Variants in HECTD2 observed in about 807,000 individuals in gnomAD.
HECTD2 encodes the protein HECT domain E3 ubiquitin protein ligase 2, also known as probable E3 ubiquitin-protein ligase HECTD2.
A neutral mutation model predicts 103.2 loss-of-function variants in HECTD2; 35 were observed. That is an observed-to-expected ratio of 0.34 (90% CI 0.26 to 0.45). HECTD2 has a LOEUF of 0.45. HECTD2 is among the 20% of genes least tolerant of loss of function. The probability of loss-of-function intolerance (pLI) is 1.00; values close to 1 mark genes in which losing one functional copy is unlikely to be tolerated. For missense variants in HECTD2, 596 were observed against 937.4 expected, an observed-to-expected ratio of 0.64 and a Z score of 4.76; for synonymous variants, 281 against 329.9, an observed-to-expected ratio of 0.85 and a Z score of 1.61.
Position 91,472,301 on chromosome 10 carries a change from C to A in HECTD2, c.601-5900C>A, listed in dbSNP as rs76592016. On this transcript the variant is annotated intron_variant, in intron 5 of 20. Coordinates refer to ENST00000298068, the MANE Select transcript of HECTD2 (RefSeq NM_182765.6). ...CATTTCTTTCACAATATACAAAAAT[C>A]AACTCAAGACAAATTAAAGACTTTA... Among the ~76,000 whole-genome samples the A allele has an allele frequency of 8.4e-3, 1,282 of 152,200 alleles. 11 individuals carry two copies. Among genetic ancestry groups the A allele is most frequent in the Admixed American group, 0.025 (387 of 15,284 alleles).
rs577786648 is a variant in HECTD2 at position 91,512,700 on chromosome 10, T to C, written c.*316T>C. The C allele has an allele frequency of 6.3e-4, 158 of 252,110 alleles. No individual in the cohort carries two copies. The highest frequency in any genetic ancestry group is 9.6e-4 in the Non-Finnish European group (124 of 129,024). 15.6% of individuals were successfully genotyped at this position (252,110 alleles called of 1,614,324 possible). A position where few individuals can be genotyped will look rare whatever the true frequency, so the allele number is the denominator to read the frequency against. ...ATTCCACTGGGAAAGCAAAGTACAG[T>C]GAAGAATGAATTTATGGTATAGTTG... On this transcript the variant is annotated 3_prime_UTR_variant, in exon 21 of 21. Coordinates refer to ENST00000298068, the MANE Select transcript of HECTD2 (RefSeq NM_182765.6).
upstream of HECTD2, among the ~76,000 whole-genome samples, chr10:91,409,987 C>G (rs1405162931): frequency 3.3e-5 from 5 of 152,166 alleles, no homozygotes; most frequent in Non-Finnish European, 7.4e-5. Context: ...TTGCAGGGCT[C>G]GACTTGTCTC....
At chr10:91,484,400 G>A (rs548565734) in intron 8 of HECTD2, 107 bp from the exon 9 acceptor site, 6 of 1,444,632 alleles carry the variant, frequency 4.2e-6, no homozygotes, top group African/African-American at 2.8e-5. Flanking sequence ...GAATTTGGGG[G>A]AATAGTCTAA....
chr10:91,492,341 T>A lies in HECTD2; in HGVS notation c.1300-11T>A. 2 of 1,609,498 alleles carry A rather than the reference T, an allele frequency of 1.2e-6. No individual in the cohort carries two copies. Among genetic ancestry groups the A allele is most frequent in the Non-Finnish European group, 1.7e-6 (2 of 1,176,056 alleles). ...CTTTGTTCTCCTCTACTGTATAATA[T>A]CTTCAAATAGCTAACCCGGAAAAGA... On this transcript the variant is annotated splice_polypyrimidine_tract_variant and intron_variant, in intron 12 of 20. Transcript: ENST00000298068.
At chr10:91,509,924 T>C (rs76855484) in intron 20 of HECTD2, among the ~76,000 whole-genome samples, 2,196 of 152,118 alleles carry the variant, frequency 0.014, 46 homozygotes, top group African/African-American at 0.05. Context: ...CCCCTGAACC[T>C]AAAATAAAAG....
chr10:91,462,713 A>G, intron 5 of HECTD2: 1 of 987,250 alleles, frequency 1.0e-6, no homozygotes, highest in Non-Finnish European at 1.2e-6. Flanking sequence ...CTAAGTGGGA[A>G]TGATAAAGAC....
intron 16 of HECTD2, among the ~76,000 whole-genome samples, chr10:91,498,629 G>C (rs1329896954): frequency 3.3e-5 from 5 of 152,142 alleles, no homozygotes; most frequent in Admixed American, 2.6e-4. Context: ...ACACAGTTTT[G>C]TGGACTTCAT....
At chr10:91,427,119 C>T (rs1234497089) in intron 2 of HECTD2, among the ~76,000 whole-genome samples, 14 of 149,060 alleles carry the variant, frequency 9.4e-5, no homozygotes, top group South Asian at 2.1e-4. Flanking sequence ...TTTGTCCTTG[C>T]GATAGTTTAC....
At chr10:91,494,813 T>G (rs977835488) in intron 14 of HECTD2, among the ~76,000 whole-genome samples, 1 of 152,078 alleles carries the variant, frequency 6.6e-6, no homozygotes, top group African/African-American at 2.4e-5. Flanking sequence ...TATTTATATG[T>G]TCATACATAT....
At chr10:91,466,353 C>CAA (rs1006414891) in intron 5 of HECTD2, among the ~76,000 whole-genome samples, 2 of 150,878 alleles carry the variant, frequency 1.3e-5, no homozygotes, top group South Asian at 4.2e-4. Context: ...TTGTTCTCTT[C>CAA]AAAAAAAAAT....
intron 2 of HECTD2, among the ~76,000 whole-genome samples, chr10:91,433,214 T>C (rs1843968155): frequency 6.6e-6 from 1 of 152,006 alleles, no homozygotes; most frequent in Non-Finnish European, 1.5e-5. Context: ...AAGAGTTATT[T>C]TTTCTTTTTT....
chr10:91,474,409 G>A (rs1589522505), intron 5 of HECTD2, among the ~76,000 whole-genome samples: 2 of 152,196 alleles, frequency 1.3e-5, no homozygotes, highest in South Asian at 4.1e-4. Context: ...GAAAGTAAGG[G>A]TATATAGAAT....
intron 18 of HECTD2, 28 bp from the exon 19 acceptor site, chr10:91,500,474 A>ATTG (rs1846857970): frequency 9.4e-7 from 1 of 1,067,740 alleles, no homozygotes; most frequent in Admixed American, 1.7e-5. Flanking sequence ...CTCTTTAATT[A>ATTG]TTGTTTTTGA....
At chr10:91,490,355 C>G (rs1237593039) in intron 11 of HECTD2, among the ~76,000 whole-genome samples, 1 of 151,744 alleles carries the variant, frequency 6.6e-6, no homozygotes, top group Non-Finnish European at 1.5e-5. Flanking sequence ...AAACATTGTA[C>G]TGTATAAAAT....
At chr10:91,503,173 T>TAATC (rs1250224268) in intron 20 of HECTD2, among the ~76,000 whole-genome samples, 2 of 152,172 alleles carry the variant, frequency 1.3e-5, no homozygotes, top group African/African-American at 4.8e-5. Context: ...TCAACATCAC[T>TAATC]AATCATTAGA....
At chr10:91,430,886 G>A (rs146618495) in intron 2 of HECTD2, among the ~76,000 whole-genome samples, 5,667 of 151,532 alleles carry the variant, frequency 0.037, 161 homozygotes, top group Admixed American at 0.083. Context: ...TACATTTAAA[G>A]TTAATATCAT....
chr10:91,493,461 A>G lies in HECTD2; in HGVS notation c.1474A>G (p.Ser492Gly). The G allele has an allele frequency of 6.4e-7, 1 of 1,560,376 alleles. No homozygotes were observed. Among genetic ancestry groups the G allele is most frequent in the Non-Finnish European group, 8.7e-7 (1 of 1,156,040 alleles). Residue 492 changes from serine to glycine, a missense_variant, in exon 14 of 21, where the codon AGC becomes GGC. Around this residue, in one of 4 missense-constraint regions of HECTD2, gnomAD observed 303 missense variants for 522.5 expected, o/e 0.58. Transcript: ENST00000298068. ...YHKDSHCHWF[S>G]SFKCDNYSEF... ...CAAGGATTCACACTGCCATTGGTTT[A>G]GCAGCTTTAAATGTGATAACTATTC...
chr10:91,433,704 A>T (rs991007239), intron 2 of HECTD2, among the ~76,000 whole-genome samples: 3 of 151,906 alleles, frequency 2.0e-5, no homozygotes, highest in Non-Finnish European at 4.4e-5. Context: ...GGATATTTCT[A>T]GATGTGGGGT....
intron 2 of HECTD2, among the ~76,000 whole-genome samples, chr10:91,451,533 GA>G (rs1404952392): frequency 2.0e-5 from 3 of 151,832 alleles, no homozygotes; most frequent in South Asian, 2.1e-4. Flanking sequence ...AAAAAAAAAA[GA>G]TACAAATTCT....
Sources: allele counts gnomAD v4.1 joint callset (sites outside exome capture counted in the v4.1 genomes callset), GRCh38; gene constraint gnomAD v4.1.1; regional missense constraint gnomAD v4.1.1; transcripts MANE v1.5; gene names NCBI Gene and HGNC (gene_info 2026-07-23, HGNC 2026-07-21).